PIGM: variants seen among roughly 807,000 people sequenced by gnomAD.
PIGM encodes phosphatidylinositol glycan anchor biosynthesis class M.
PIGM carries 7 observed loss-of-function variants against 14.6 expected under a neutral mutation model. The observed-to-expected ratio is 0.48, with a 90% CI of 0.27 to 0.90. The LOEUF (loss-of-function observed/expected upper bound fraction) is 0.90. Among genes scored for constraint, PIGM ranks in the 40% least tolerant of loss-of-function variants. PIGM has a pLI of 0.12. For missense variants in PIGM, 506 were observed against 516.2 expected (o/e 0.98, Z 0.19); for synonymous variants, 216 against 215.9 (o/e 1.00, Z 0.00).
rs1027710809 is a variant in PIGM, at chr1:160,028,051, A to C, written c.*2417T>G. 8 of 152,214 alleles carry C rather than the reference A, an allele frequency of 5.3e-5. No individual in the cohort carries two copies. The highest frequency in any genetic ancestry group is 1.9e-4 in the African/African-American group (8 of 41,446). The allele number at this position is 152,214 out of a possible 1,614,324, so 9.4% of individuals were successfully genotyped here. A position where few individuals can be genotyped will look rare whatever the true frequency, so the allele number is the denominator to read the frequency against. ...CTTATTTAGAATATTAAAAACTGGAAGCAATCTAAAGGTCTAACAGTGGAA... is the reference window on the plus strand; with the variant it reads ...CTTATTTAGAATATTAAAAACTGGACGCAATCTAAAGGTCTAACAGTGGAA... On this transcript the variant is annotated 3_prime_UTR_variant, in exon 1 of 1. Coordinates refer to ENST00000368090, the MANE Select transcript of PIGM (RefSeq NM_145167.3).
chr1:160,031,338 G>A lies in PIGM; in HGVS notation c.402C>T (p.Asn134=), dbSNP rs1648328358. The A allele has an allele frequency of 4.3e-6, 7 of 1,610,726 alleles. No homozygotes were observed. The highest frequency in any genetic ancestry group is 5.9e-6 in the Non-Finnish European group (7 of 1,178,104). Residue 134 remains asparagine (N), a synonymous_variant, in exon 1 of 1, where the codon AAC becomes AAT. Coordinates refer to ENST00000368090, the MANE Select transcript of PIGM (RefSeq NM_145167.3). ...ACGYCVFWLL[N]PLPMAVSSRG... is the part of the protein sequence containing the mutation. Reference sequence around the variant, plus strand: ...GGCTGGATACTGCCATAGGCAGGGGGTTAAGAAGCCAAAAGACACAGTAGC... The same window carrying A: ...GGCTGGATACTGCCATAGGCAGGGGATTAAGAAGCCAAAAGACACAGTAGC...
rs761013617 is a variant in PIGM at position 160,030,868 on chromosome 1, C to A, written c.872G>T (p.Gly291Val). Reference sequence around the variant, plus strand: ...GAGCTGTGGCAGGAATGCAGCAATTCCCAGGGAAAAACTCCACTTGCTCTC... The same window carrying A: ...GAGCTGTGGCAGGAATGCAGCAATTACCAGGGAAAAACTCCACTTGCTCTC... ...TAESKWSFSL[G>V]IAAFLPQLIL... The change falls in exon 1 of 1, where the codon GGA becomes GTA. Residue 291 changes from glycine (G) to valine (V), a missense_variant. Physicochemically the swap from Gly to Val is moderately radical, Grantham distance 109. Coordinates refer to ENST00000368090, the MANE Select transcript of PIGM (RefSeq NM_145167.3). The A allele has an allele frequency of 6.2e-7, 1 of 1,614,204 alleles. No individual in the cohort carries two copies. Among genetic ancestry groups the A allele is most frequent in the Admixed American group, 1.7e-5 (1 of 60,028 alleles).
In PIGM at chr1:160,030,204, T is replaced by C; in HGVS notation, c.*264A>G. ...TTAAGAATGTTTTAGTATCTGATAG[T>C]TTCATCAGCCTTTCCATTTTCCAAT... On this transcript the variant is annotated 3_prime_UTR_variant, in exon 1 of 1. Transcript: ENST00000368090. 2.4e-6 allele frequency: 1 copy of C among 419,306 alleles called. No homozygotes were observed. Among genetic ancestry groups the C allele is most frequent in the Non-Finnish European group, 4.4e-6 (1 of 225,028 alleles). 26.0% of individuals were successfully genotyped at this position (419,306 alleles called of 1,614,324 possible). A position where few individuals can be genotyped will look rare whatever the true frequency, so the allele number is the denominator to read the frequency against.
rs1179476605 is a variant in PIGM, at chr1:160,028,818, A to C, written c.*1650T>G. 6.6e-6 allele frequency: 1 copy of C among 152,218 alleles called. No homozygotes were observed. The highest frequency in any genetic ancestry group is 1.5e-5 in the Non-Finnish European group (1 of 68,044). 9.4% of individuals were successfully genotyped at this position (152,218 alleles called of 1,614,324 possible). ...AAAAAAAATGTAAGGATGCTTGTTTAAACAACTCAGAAAGCATTTTTCCCC... is the reference window on the plus strand; with the variant it reads ...AAAAAAAATGTAAGGATGCTTGTTTCAACAACTCAGAAAGCATTTTTCCCC... On this transcript the variant is annotated 3_prime_UTR_variant, in exon 1 of 1. Coordinates refer to ENST00000368090, the MANE Select transcript of PIGM (RefSeq NM_145167.3).
rs966933835 is a variant in PIGM, at chr1:160,029,126, A to C, written c.*1342T>G. The stretch of plus-strand genomic sequence containing the variant: ...GGTTGACTTAAATTCTAGAAGAAAA[A>C]AGTCTTGCTTTAGCAATCAAAAACT... On this transcript the variant is annotated 3_prime_UTR_variant, in exon 1 of 1. Coordinates refer to ENST00000368090, the MANE Select transcript of PIGM (RefSeq NM_145167.3). 6.6e-6 allele frequency: 1 copy of C among 152,200 alleles called. No homozygotes were observed. The highest frequency in any genetic ancestry group is 1.5e-5 in the Non-Finnish European group (1 of 68,042). 9.4% of individuals were successfully genotyped at this position (152,200 alleles called of 1,614,324 possible).
chr1:160,030,823 GAC>G lies in PIGM; in HGVS notation c.915_916del (p.Ser306PhefsTer22), dbSNP rs1426794697. ...AACGAGGTCTCTGTAATAGGCGAAA[GAC>G]ACAGCTGAAAGCAAGATGAGCTGTG... On this transcript the variant is annotated frameshift_variant, in exon 1 of 1. Transcript: ENST00000368090. LOFTEE classifies it high-confidence loss of function. The G allele has an allele frequency of 6.2e-7, 1 of 1,614,114 alleles. No homozygotes were observed. The highest frequency in any genetic ancestry group is 8.5e-7 in the Non-Finnish European group (1 of 1,180,038).
Position 160,031,029 on chromosome 1 carries a change from CG to C in PIGM, c.710del (p.Thr237SerfsTer5). The C allele has an allele frequency of 6.2e-7, 1 of 1,614,080 alleles. No individual in the cohort carries two copies. The highest frequency in any genetic ancestry group is 8.5e-7 in the Non-Finnish European group (1 of 1,180,014). On this transcript the variant is annotated frameshift_variant, in exon 1 of 1. Coordinates refer to ENST00000368090, the MANE Select transcript of PIGM (RefSeq NM_145167.3). LOFTEE classifies it high-confidence loss of function. ...VLLFVAVAGL[T>X]FFALSFGFYY... ...AAAAACCAAAGCTCAGGGCAAAAAA[CG>C]TGAGTCCAGCAACTGCTACAAACAG...
rs895693509 is a variant in PIGM at position 160,030,419 on chromosome 1, T to C, written c.*49A>G. 9 of 1,553,578 alleles carry C rather than the reference T, an allele frequency of 5.8e-6. No homozygotes were observed. In the African/African-American group the frequency reaches 1.1e-4, roughly 19 times the overall value. On this transcript the variant is annotated 3_prime_UTR_variant, in exon 1 of 1. Transcript: ENST00000368090. ...TGTCCCAAAGCTCTCTTCTGGTCCA[T>C]ACAAGACAATCAGAATGTAACACAG...
Position 160,031,331 on chromosome 1 carries a change from G to A in PIGM, c.409C>T (p.Pro137Ser). ...TTACCGCGGCTGGATACTGCCATAG[G>A]CAGGGGGTTAAGAAGCCAAAAGACA... Reference protein sequence around the residue: ...YCVFWLLNPLPMAVSSRGNAD... With the variant: ...YCVFWLLNPLSMAVSSRGNAD... The change falls in exon 1 of 1, where the codon CCT becomes TCT. Residue 137 changes from proline to serine, a missense_variant. Pro to Ser is a moderately conservative substitution (Grantham distance 74, BLOSUM62 -1). Transcript: ENST00000368090. 5.6e-6 allele frequency: 9 copies of A among 1,612,324 alleles called. No individual in the cohort carries two copies. The highest frequency in any genetic ancestry group is 7.6e-6 in the Non-Finnish European group (9 of 1,178,968).
chr1:160,027,744 A>C lies in PIGM; in HGVS notation c.*2724T>G, dbSNP rs750609415. The C allele has an allele frequency of 1.3e-5, 2 of 152,152 alleles. No individual in the cohort carries two copies. The highest frequency in any genetic ancestry group is 1.3e-4 in the Admixed American group (2 of 15,280). 9.4% of individuals were successfully genotyped at this position (152,152 alleles called of 1,614,324 possible). On this transcript the variant is annotated 3_prime_UTR_variant, in exon 1 of 1. Transcript: ENST00000368090. ...GGATTGTGATAAGAAGCAAAAAAAA[A>C]ACATTTTTTTTACATAACCAGAAAA...
rs1648302656 is a variant in PIGM at position 160,030,763 on chromosome 1, G to A, written c.977C>T (p.Thr326Ile). Residue 326 changes from threonine to isoleucine, a missense_variant, in exon 1 of 1, where the codon ACT (threonine) becomes ATT (isoleucine). Physicochemically the swap from Thr to Ile is moderately conservative, Grantham distance 89 (BLOSUM62 -1). Transcript: ENST00000368090. The part of the protein sequence containing the change: ...CCFLHTSIFV[T>I]FNKVCTSQYF... ...CTGGGAGGTGCAGACTTTGTTAAAAGTCACAAAAATGGACGTATGAAGAAA... is the reference window on the plus strand; with the variant it reads ...CTGGGAGGTGCAGACTTTGTTAAAAATCACAAAAATGGACGTATGAAGAAA... 23 of 1,614,052 alleles carry A rather than the reference G, an allele frequency of 1.4e-5. No homozygotes were observed. The highest frequency in any genetic ancestry group is 1.9e-5 in the Non-Finnish European group (22 of 1,180,024).
In PIGM at chr1:160,027,369, A is replaced by G. The variant is rs1195267905; in HGVS notation, c.*3099T>C. ...AGAGTCCAGATGGTGAGAAGTCAGTAACTAAAATCAGTGGTTTTAGGAATT... is the reference window on the plus strand; with the variant it reads ...AGAGTCCAGATGGTGAGAAGTCAGTGACTAAAATCAGTGGTTTTAGGAATT... On this transcript the variant is annotated 3_prime_UTR_variant, in exon 1 of 1. Transcript: ENST00000368090. The G allele has an allele frequency of 6.6e-6, 1 of 152,250 alleles. No individual in the cohort carries two copies. The highest frequency in any genetic ancestry group is 1.9e-4 in the East Asian group (1 of 5,202). 9.4% of individuals were successfully genotyped at this position (152,250 alleles called of 1,614,324 possible). A position where few individuals can be genotyped will look rare whatever the true frequency, so the allele number is the denominator to read the frequency against.
chr1:160,031,551 C>G lies in PIGM; in HGVS notation c.189G>C (p.Thr63=), dbSNP rs757445490. Residue 63 remains threonine, a synonymous_variant, in exon 1 of 1, where the codon ACG becomes ACC. Coordinates refer to ENST00000368090, the MANE Select transcript of PIGM (RefSeq NM_145167.3). Reference sequence around the variant, plus strand: ...CTCTCAGGTAAGGCGAGCGCCCCTCCGTGACGAAGCGCGCGGCGTCGGTGA... The same window carrying G: ...CTCTCAGGTAAGGCGAGCGCCCCTCGGTGACGAAGCGCGCGGCGTCGGTGA... ...QVFTDAARFV[T]EGRSPYLRAT... 6.2e-6 allele frequency: 10 copies of G among 1,614,034 alleles called. No homozygotes were observed. In the Admixed American group the frequency reaches 1.5e-4, roughly 24 times the overall value.
rs1557963997 is a variant in PIGM, at chr1:160,031,102, G to T, written c.638C>A (p.Ala213Asp). The T allele has an allele frequency of 6.2e-7, 1 of 1,613,976 alleles. No individual in the cohort carries two copies. The highest frequency in any genetic ancestry group is 1.7e-5 in the Admixed American group (1 of 59,994). ...SLRQFRYTFQ[A>D]CLYELLKRLC... Reference sequence around the variant, plus strand: ...CCTTTTCAGGAGCTCGTACAAACAAGCCTGGAAAGTGTACCGGAATTGACG... The same window carrying T: ...CCTTTTCAGGAGCTCGTACAAACAATCCTGGAAAGTGTACCGGAATTGACG... Residue 213 changes from alanine to aspartate, a missense_variant, in exon 1 of 1, where the codon GCT becomes GAT. By Grantham distance (126) the Ala-to-Asp change is moderately radical (BLOSUM62 -2). Transcript: ENST00000368090.
chr1:160,031,096 A>T lies in PIGM; in HGVS notation c.644T>A (p.Leu215Ter). 6 of 1,614,122 alleles carry T rather than the reference A, an allele frequency of 3.7e-6. No homozygotes were observed. Among genetic ancestry groups the T allele is most frequent in the Non-Finnish European group, 5.1e-6 (6 of 1,179,990 alleles). The part of the protein sequence containing the change: ...RQFRYTFQAC[L>*]YELLKRLCNR... ...ACACAGCCTTTTCAGGAGCTCGTAC[A>T]AACAAGCCTGGAAAGTGTACCGGAA... The change falls in exon 1 of 1, where the codon TTG becomes TAG. Residue 215 changes from leucine to a stop codon, truncating the protein, a stop_gained. Transcript: ENST00000368090. LOFTEE classifies it high-confidence loss of function.
Position 160,030,818 on chromosome 1 carries a change from C to T in PIGM, c.922G>A (p.Ala308Thr), listed in dbSNP as rs1367482469. The T allele has an allele frequency of 6.2e-7, 1 of 1,614,010 alleles. No homozygotes were observed. The highest frequency in any genetic ancestry group is 1.3e-5 in the African/African-American group (1 of 74,892). ...CAAAAAACGAGGTCTCTGTAATAGG[C>T]GAAAGACACAGCTGAAAGCAAGATG... ...QLILLSAVSF[A>T]YYRDLVFCCF... Residue 308 changes from alanine (A) to threonine (T), a missense_variant, in exon 1 of 1, where the codon GCC becomes ACC. Coordinates refer to ENST00000368090, the MANE Select transcript of PIGM (RefSeq NM_145167.3).
rs1315190874 is a variant in PIGM, at chr1:160,030,034, A to AT, written c.*433dup. 8.5e-5 allele frequency: 17 copies of AT among 200,668 alleles called. No homozygotes were observed. In the East Asian group the frequency reaches 1.6e-3, roughly 19 times the overall value. The allele number at this position is 200,668 out of a possible 1,614,324, so 12.4% of individuals were successfully genotyped here. On this transcript the variant is annotated 3_prime_UTR_variant, in exon 1 of 1. Transcript: ENST00000368090. ...GGGCCACCATACACAGTTTAAGAAT[A>AT]TTTTTTGGATTTTCACAGCTGTCAG...
At position 160,025,112 on chromosome 1, in the gene PIGM, G is replaced by T. The variant is rs1648155232; in HGVS notation, c.*5356C>A. On this transcript the variant is annotated 3_prime_UTR_variant, in exon 1 of 1. Coordinates refer to ENST00000368090, the MANE Select transcript of PIGM (RefSeq NM_145167.3). ...AAAAAGGTTCAAGTTTACAGTGCCA[G>T]AACAGCTCCTTCTTTAAAGGCTTGT... 6.6e-6 allele frequency: 1 copy of T among 152,220 alleles called. No individual in the cohort carries two copies. The highest frequency in any genetic ancestry group is 2.1e-4 in the South Asian group (1 of 4,830). 9.4% of individuals were successfully genotyped at this position (152,220 alleles called of 1,614,324 possible).
chr1:160,031,178 G>A lies in PIGM; in HGVS notation c.562C>T (p.Leu188Phe). ...GGAAGCAGGTGGAGGGTTATGGGAAGGATGTAAGTCACTGGATATATCTTC... is the reference window on the plus strand; with the variant it reads ...GGAAGCAGGTGGAGGGTTATGGGAAAGATGTAAGTCACTGGATATATCTTC... ...HMKIYPVTYI[L>F]PITLHLLPDR... The change falls in exon 1 of 1, where the codon CTT becomes TTT. Residue 188 changes from leucine to phenylalanine, a missense_variant. By Grantham distance (22) the Leu-to-Phe change is conservative. Transcript: ENST00000368090. 1.2e-6 allele frequency: 2 copies of A among 1,614,174 alleles called. No homozygotes were observed. The highest frequency in any genetic ancestry group is 1.7e-6 in the Non-Finnish European group (2 of 1,180,036).
Sources: gnomAD v4.1 joint callset for allele counts on GRCh38, gnomAD v4.1.1 for gene constraint, MANE v1.5 for transcripts, NCBI Gene and HGNC (gene_info 2026-07-23, HGNC 2026-07-21) for gene names.